ERC2: variants seen among roughly 807,000 people sequenced by gnomAD.
The protein encoded by ERC2 is ERC protein 2.
Under a neutral mutation model 114.8 loss-of-function variants are expected in ERC2, and 42 were observed. The ratio of observed to expected loss-of-function variants is 0.37; its 90% CI spans 0.29 to 0.47. The LOEUF (loss-of-function observed/expected upper bound fraction) is 0.47, where lower values mean the gene tolerates loss of function less well. ERC2 is among the 20% of genes least tolerant of loss of function. The pLI is 0.99. For missense variants in ERC2, 939 were observed against 1,150.7 expected (o/e 0.82, Z 2.66); for synonymous variants, 454 against 425.5 (o/e 1.07, Z -0.82).
chr3:56,323,195 C>T (rs536109270), intron 2 of ERC2, among the ~76,000 whole-genome samples: 1 of 152,264 alleles, frequency 6.6e-6, no homozygotes, highest in African/African-American at 2.4e-5. Context: ...TTCTGTTACA[C>T]AAACACTAAA....
At chr3:55,757,776 ATAAAT>A (rs2067154326) in intron 14 of ERC2, among the ~76,000 whole-genome samples, 2 of 152,166 alleles carry the variant, frequency 1.3e-5, no homozygotes, top group South Asian at 4.1e-4. Context: ...TTACATAAAC[ATAAAT>A]TATTTATCAA....
At chr3:56,091,047 G>T (rs2077760385) in intron 6 of ERC2, among the ~76,000 whole-genome samples, 1 of 152,108 alleles carries the variant, frequency 6.6e-6, no homozygotes, top group Admixed American at 6.6e-5. Flanking sequence ...TCTTGCTATT[G>T]GTCAAGGATG....
At chr3:55,804,452 C>T (rs1386975408) in intron 14 of ERC2, among the ~76,000 whole-genome samples, 1 of 152,148 alleles carries the variant, frequency 6.6e-6, no homozygotes, top group East Asian at 1.9e-4. Flanking sequence ...GTTAGCCTAA[C>T]CCCAGAGACA....
chr3:55,813,643 C>T, intron 14 of ERC2, among the ~76,000 whole-genome samples: 1 of 152,126 alleles, frequency 6.6e-6, no homozygotes, highest in East Asian at 1.9e-4. Context: ...TCTATGCTAG[C>T]CTTCTTCTCA....
intron 14 of ERC2, among the ~76,000 whole-genome samples, chr3:55,885,329 A>C (rs1183598468): frequency 6.6e-6 from 1 of 152,216 alleles, no homozygotes; most frequent in Non-Finnish European, 1.5e-5. Flanking sequence ...AACCAGTGGC[A>C]AACTTGAACA....
chr3:56,019,596 G>A (rs1387075557), intron 7 of ERC2, among the ~76,000 whole-genome samples: 1 of 152,092 alleles, frequency 6.6e-6, no homozygotes, highest in Non-Finnish European at 1.5e-5. Context: ...ACTGTTAATG[G>A]GAAGAACTTG....
At position 55,883,770 on chromosome 3, in the gene ERC2, C is replaced by T. The variant is rs554729067; in HGVS notation, c.2564+4619G>A. Among the ~76,000 whole-genome samples, 97 of 152,060 alleles carry T rather than the reference C, an allele frequency of 6.4e-4. 1 individual carries two copies. The highest frequency in any genetic ancestry group is 3.5e-3 in the Admixed American group (53 of 15,276). On this transcript the variant is annotated intron_variant, in intron 14 of 17. Transcript: ENST00000288221. ...GGGTGTGGTGGTGGGTGCCTGTAGT[C>T]CCAGCAGCTCGGGAGGTGGAGGCAG...
intron 17 of ERC2, among the ~76,000 whole-genome samples, chr3:55,655,717 G>A (rs955733250): frequency 1.3e-5 from 2 of 152,090 alleles, no homozygotes; most frequent in Admixed American, 6.5e-5. Flanking sequence ...CCTTCCTGAG[G>A]GTCTGAGTCA....
At chr3:55,732,850 C>T (rs1044211862) in intron 15 of ERC2, among the ~76,000 whole-genome samples, 1 of 152,176 alleles carries the variant, frequency 6.6e-6, no homozygotes, top group African/African-American at 2.4e-5. Context: ...TGATCTAATG[C>T]TATCATCTAT....
chr3:56,300,749 C>G (rs2055818046), intron 2 of ERC2, among the ~76,000 whole-genome samples: 1 of 152,142 alleles, frequency 6.6e-6, no homozygotes, highest in African/African-American at 2.4e-5. Context: ...TAACCTGCTC[C>G]CAGTCACCCA....
chr3:56,001,351 A>C (rs2072041310), intron 10 of ERC2, among the ~76,000 whole-genome samples: 1 of 152,064 alleles, frequency 6.6e-6, no homozygotes, highest in Non-Finnish European at 1.5e-5. Flanking sequence ...ACAACTAAGA[A>C]AAACATAGTC....
intron 16 of ERC2, 53 bp downstream of exon 16, chr3:55,699,325 A>C: frequency 6.2e-7 from 1 of 1,604,024 alleles, no homozygotes; most frequent in Non-Finnish European, 8.5e-7. Flanking sequence ...ATTTTATCTT[A>C]AAATATCTAA....
intron 17 of ERC2, among the ~76,000 whole-genome samples, chr3:55,597,412 TC>T (rs2058196790): frequency 9.6e-6 from 1 of 104,056 alleles, no homozygotes; most frequent in Non-Finnish European, 2.0e-5. Flanking sequence ...AGAGTGAGAC[TC>T]CAACTCAAAA....
At chr3:55,883,660 C>T (rs1447992813) in intron 14 of ERC2, among the ~76,000 whole-genome samples, 3 of 151,974 alleles carry the variant, frequency 2.0e-5, no homozygotes, top group African/African-American at 4.8e-5. Context: ...GAGGCTGAGG[C>T]GGGTGGATCA....
At chr3:56,131,896 C>A (rs1332026444) in intron 6 of ERC2, among the ~76,000 whole-genome samples, 2 of 152,138 alleles carry the variant, frequency 1.3e-5, no homozygotes, top group East Asian at 3.8e-4. Flanking sequence ...ATGTTAATTA[C>A]CATGAATTGA....
intron 17 of ERC2, among the ~76,000 whole-genome samples, chr3:55,536,051 T>A (rs2053982757): frequency 6.6e-6 from 1 of 152,148 alleles, no homozygotes; most frequent in Non-Finnish European, 1.5e-5. Flanking sequence ...AGTCTCAAAT[T>A]CTAATCCCAT....
intron 17 of ERC2, among the ~76,000 whole-genome samples, chr3:55,542,909 G>A (rs2054493236): frequency 6.6e-6 from 1 of 152,112 alleles, no homozygotes; most frequent in Admixed American, 6.5e-5. Context: ...AAAGGTTCAG[G>A]TCTTCCTAAA....
intron 3 of ERC2, among the ~76,000 whole-genome samples, chr3:56,265,771 G>A (rs938127198): frequency 6.6e-6 from 1 of 152,080 alleles, no homozygotes; most frequent in East Asian, 1.9e-4. Context: ...GCTCATGCCT[G>A]TAATCCCGAC....
At chr3:55,530,937 T>C (rs1055511685) in intron 17 of ERC2, among the ~76,000 whole-genome samples, 4 of 152,206 alleles carry the variant, frequency 2.6e-5, no homozygotes, top group African/African-American at 7.2e-5. Context: ...GAAGGAATAA[T>C]TTGATCGGGA....
Sources: allele counts gnomAD v4.1 joint callset (sites outside exome capture counted in the v4.1 genomes callset), GRCh38; gene constraint gnomAD v4.1.1; transcripts MANE v1.5; gene names NCBI Gene and HGNC (gene_info 2026-07-23, HGNC 2026-07-21).